DISC1: variants seen among roughly 807,000 people sequenced by gnomAD.
The protein encoded by DISC1 is DISC1 scaffold protein, also known as disrupted in schizophrenia 1 protein.
Under a neutral mutation model 84.5 loss-of-function variants are expected in DISC1, and 57 were observed. The observed-to-expected ratio is 0.67, with a 90% CI of 0.55 to 0.84. The LOEUF is 0.84. DISC1 is among the 40% of genes least tolerant of loss of function. The pLI is 0.00. For synonymous variants in DISC1, 411 were observed against 415.2 expected, an observed-to-expected ratio of 0.99 and a Z score of 0.12; for missense variants, 1,000 against 1,057.8, an observed-to-expected ratio of 0.95 and a Z score of 0.76.
In DISC1 at chr1:231,876,189, TA is replaced by T. The variant is rs1439974414; in HGVS notation, c.1981+57673del. 3.3e-5 allele frequency among the ~76,000 whole-genome samples: 5 copies of T among 152,154 alleles called. No homozygotes were observed. In the East Asian group the frequency reaches 9.6e-4, roughly 29 times the overall value. Reference sequence around the variant, plus strand: ...GAGGGTGGATCCTTCATGAATAGTTTAGCACTATCCCCCGCATTGTACTGTC... The same window carrying T: ...GAGGGTGGATCCTTCATGAATAGTTTGCACTATCCCCCGCATTGTACTGTC... On this transcript the variant is annotated intron_variant, in intron 9 of 12. Transcript: ENST00000439617.
chr1:231,668,176 C>T (rs1042800673), intron 1 of DISC1, among the ~76,000 whole-genome samples: 5 of 152,028 alleles, frequency 3.3e-5, no homozygotes, highest in African/African-American at 7.3e-5. Context: ...TAAACATGTC[C>T]CTCAACTCCC....
chr1:231,963,763 G>A (rs533265522), intron 10 of DISC1, among the ~76,000 whole-genome samples: 6 of 152,264 alleles, frequency 3.9e-5, no homozygotes, highest in South Asian at 2.1e-4. Flanking sequence ...CAAGACTCAC[G>A]TCTCCAACAA....
intron 1 of DISC1, 150 bp downstream of exon 1, chr1:231,627,084 G>A (rs576853390): frequency 3.6e-6 from 2 of 558,452 alleles, no homozygotes; most frequent in Non-Finnish European, 6.0e-6. Flanking sequence ...GACGCGAGGC[G>A]TGCGAGGTTG....
chr1:231,938,038 G>A (rs548253307), intron 9 of DISC1, among the ~76,000 whole-genome samples: 16 of 151,946 alleles, frequency 1.1e-4, no homozygotes, highest in South Asian at 4.2e-4. Context: ...CTTCTCATCC[G>A]TCATTTTAAG....
At chr1:231,955,593 G>A (rs1659348278) in intron 9 of DISC1, among the ~76,000 whole-genome samples, 1 of 151,736 alleles carries the variant, frequency 6.6e-6, no homozygotes, top group South Asian at 2.1e-4. Flanking sequence ...ACGTTCAAGG[G>A]ATTCTTCTGT....
At chr1:231,715,292 T>C (rs1345194955) in intron 3 of DISC1, among the ~76,000 whole-genome samples, 1 of 152,142 alleles carries the variant, frequency 6.6e-6, no homozygotes, top group Non-Finnish European at 1.5e-5. Context: ...ACGAAGCAAT[T>C]AGGAATGATT....
At chr1:231,728,523 T>C (rs2071056386) in intron 3 of DISC1, among the ~76,000 whole-genome samples, 1 of 152,202 alleles carries the variant, frequency 6.6e-6, no homozygotes, top group Non-Finnish European at 1.5e-5. Context: ...ACTATTATTT[T>C]GTAGCTCAGA....
chr1:231,953,239 T>C (rs960512899), intron 9 of DISC1, among the ~76,000 whole-genome samples: 2 of 152,228 alleles, frequency 1.3e-5, no homozygotes, highest in African/African-American at 2.4e-5. Context: ...TGACAGTCAA[T>C]ATCATTTGCG....
Position 232,009,122 on chromosome 1 carries a change from G to A in DISC1, c.2307+73G>A. On this transcript the variant is annotated intron_variant, in intron 11 of 12. Transcript: ENST00000439617. This position sits in a 1 kb window ranked among gnomAD's most constrained non-coding sequence, Gnocchi z 4.6. ...GTGCTTTGGGACCATGCTCCAAATG[G>A]GAACAATAAATATTGGGAAGGCTTC... 1 of 1,600,006 alleles carries A rather than the reference G, an allele frequency of 6.2e-7. No individual in the cohort carries two copies. The highest frequency in any genetic ancestry group is 1.1e-5 in the South Asian group (1 of 88,510).
At chr1:231,828,000 T>C (rs1306376750) in intron 9 of DISC1, among the ~76,000 whole-genome samples, 1 of 152,224 alleles carries the variant, frequency 6.6e-6, no homozygotes, top group Non-Finnish European at 1.5e-5. Context: ...CTTTCTGGAG[T>C]CTTAATAACT....
intron 9 of DISC1, among the ~76,000 whole-genome samples, chr1:231,840,704 T>TG (rs1295925450): frequency 4.6e-5 from 7 of 151,596 alleles, no homozygotes; most frequent in African/African-American, 1.7e-4. Context: ...TTGTTTTTTT[T>TG]TTTTTGTTGT....
In DISC1 at chr1:232,009,961, GAA is replaced by G. The variant is rs1667878544; in HGVS notation, c.2307+914_2307+915del. Among the ~76,000 whole-genome samples the G allele has an allele frequency of 6.6e-6, 1 of 152,120 alleles. No homozygotes were observed. The highest frequency in any genetic ancestry group is 1.5e-5 in the Non-Finnish European group (1 of 68,032). On this transcript the variant is annotated intron_variant, in intron 11 of 12. Transcript: ENST00000439617. The surrounding 1 kb of genome is among the most constrained non-coding windows in gnomAD (Gnocchi z 4.6). ...CCAGGACTCACCACTGGTGGGTGGG[GAA>G]ATTGCCACCTCCCCAGGCCAGCCCT...
chr1:231,750,702 C>T, intron 4 of DISC1: 1 of 545,392 alleles, frequency 1.8e-6, no homozygotes, highest in Non-Finnish European at 2.3e-6. Flanking sequence ...AAGGGTGGCT[C>T]CCAGATATTG....
At chr1:231,984,352 A>G (rs1023687058) in intron 10 of DISC1, among the ~76,000 whole-genome samples, 3 of 152,212 alleles carry the variant, frequency 2.0e-5, no homozygotes, top group Non-Finnish European at 2.9e-5. Context: ...AGAAAATAAT[A>G]TTTTGAGTAT....
chr1:231,718,436 CTTTT>C (rs11294632), intron 3 of DISC1, among the ~76,000 whole-genome samples: 19 of 119,704 alleles, frequency 1.6e-4, no homozygotes, highest in South Asian at 2.7e-4. Context: ...CTTTCTCTCT[CTTTT>C]TTTTTTTTTT....
chr1:231,939,820 G>T (rs771214531), intron 9 of DISC1, among the ~76,000 whole-genome samples: 1 of 151,742 alleles, frequency 6.6e-6, no homozygotes, highest in African/African-American at 2.4e-5. Flanking sequence ...TCAGCTCACC[G>T]CAACCTCCGC....
At chr1:231,779,735 A>G (rs1002931808) in intron 6 of DISC1, among the ~76,000 whole-genome samples, 2 of 151,158 alleles carry the variant, frequency 1.3e-5, no homozygotes, top group Non-Finnish European at 2.9e-5. Flanking sequence ...AATTTTTTGT[A>G]TTTTTAGTAG....
intron 9 of DISC1, among the ~76,000 whole-genome samples, chr1:231,911,532 T>C (rs2089204529): frequency 6.6e-6 from 1 of 152,214 alleles, no homozygotes; most frequent in Non-Finnish European, 1.5e-5. Context: ...AGAGTTTCTG[T>C]CGAACGATCC....
At chr1:231,870,090 G>A (rs546478577) in intron 9 of DISC1, among the ~76,000 whole-genome samples, 3 of 152,216 alleles carry the variant, frequency 2.0e-5, no homozygotes, top group South Asian at 4.2e-4. Flanking sequence ...TTAGGGTGGG[G>A]CAGGATATAA....
Sources: gnomAD v4.1 joint callset for allele counts (sites outside exome capture counted in the v4.1 genomes callset) on GRCh38, gnomAD v4.1.1 for gene constraint, Gnocchi (gnomAD v3.1) non-coding constraint, MANE v1.5 for transcripts, NCBI Gene and HGNC (gene_info 2026-07-23, HGNC 2026-07-21) for gene names.